The following AKAP9 variants were observed in gnomAD, a reference collection of about 807,000 sequenced individuals.
AKAP9 encodes the protein A-kinase anchoring protein 9, also known as A-kinase anchor protein 9.
A neutral mutation model predicts 488.5 loss-of-function variants in AKAP9; 311 were observed. The ratio of observed to expected loss-of-function variants is 0.64; its 90% CI spans 0.58 to 0.70. The LOEUF (loss-of-function observed/expected upper bound fraction) is 0.70. Among genes scored for constraint, AKAP9 ranks in the 30% least tolerant of loss-of-function variants. The probability of loss-of-function intolerance (pLI) is 0.00; values close to 1 mark genes in which losing one functional copy is unlikely to be tolerated. For synonymous variants in AKAP9, 1,462 were observed against 1,483.5 expected, an observed-to-expected ratio of 0.99 and a Z score of 0.33; for missense variants, 4,215 against 4,374.5, an observed-to-expected ratio of 0.96 and a Z score of 1.03.
intron 2 of AKAP9, among the ~76,000 whole-genome samples, chr7:91,979,927 A>G (rs1203650294): frequency 6.6e-6 from 1 of 152,222 alleles, no homozygotes; most frequent in African/African-American, 2.4e-5. Context: ...ACCATGGGTA[A>G]CTGAAATTAT....
At chr7:92,057,156 C>T (rs914232154) in intron 22 of AKAP9, among the ~76,000 whole-genome samples, 3 of 151,980 alleles carry the variant, frequency 2.0e-5, no homozygotes, top group African/African-American at 7.2e-5. Context: ...AGCATGTACT[C>T]TGTAAACAAT....
chr7:92,109,667 G>A (rs1035659176), intron 49 of AKAP9, among the ~76,000 whole-genome samples: 1 of 152,164 alleles, frequency 6.6e-6, no homozygotes, highest in Non-Finnish European at 1.5e-5. Flanking sequence ...GCTGGGCGCG[G>A]TGGCTCATGC....
At chr7:91,986,928 GA>G (rs1386721127) in intron 3 of AKAP9, among the ~76,000 whole-genome samples, 1 of 151,252 alleles carries the variant, frequency 6.6e-6, no homozygotes, top group African/African-American at 2.4e-5. Flanking sequence ...TTATATACAT[GA>G]ATAATTATAT....
chr7:92,046,162 G>A (rs1453569897), intron 21 of AKAP9, among the ~76,000 whole-genome samples: 1 of 151,960 alleles, frequency 6.6e-6, no homozygotes, highest in Non-Finnish European at 1.5e-5. Flanking sequence ...CCATCACATT[G>A]CTGAACTCCA....
chr7:92,082,372 T>C (rs1813732120), intron 31 of AKAP9, 150 bp from the exon 32 acceptor site: 4 of 744,624 alleles, frequency 5.4e-6, no homozygotes, highest in Non-Finnish European at 8.7e-6. Flanking sequence ...AAAAAGCTTC[T>C]CTGTTTTTGG....
intron 45 of AKAP9, among the ~76,000 whole-genome samples, chr7:92,101,910 AC>A (rs1170769387): frequency 6.6e-6 from 1 of 152,138 alleles, no homozygotes; most frequent in East Asian, 1.9e-4. Context: ...TAATCCCAGC[AC>A]TTCGGGAGGC....
chr7:92,098,026 A>G, intron 42 of AKAP9, 83 bp from the exon 43 acceptor site: 1 of 949,072 alleles, frequency 1.1e-6, no homozygotes, highest in Non-Finnish European at 1.7e-6. Context: ...GTGAAGTAGA[A>G]CGTCGCCTGC....
At chr7:91,983,255 A>G (rs11977241) in intron 3 of AKAP9, among the ~76,000 whole-genome samples, 2,179 of 151,988 alleles carry the variant, frequency 0.014, 44 homozygotes, top group African/African-American at 0.05. Context: ...CCTGTGTCCA[A>G]GTGTTCTCAC....
intron 37 of AKAP9, among the ~76,000 whole-genome samples, chr7:92,087,719 G>A (rs1454413370): frequency 6.6e-6 from 1 of 151,962 alleles, no homozygotes; most frequent in African/African-American, 2.4e-5. Flanking sequence ...GTAAGGAATT[G>A]TTCAAAGAAT....
chr7:91,953,749 T>C (rs975700809), intron 1 of AKAP9, among the ~76,000 whole-genome samples: 1 of 152,108 alleles, frequency 6.6e-6, no homozygotes, highest in African/African-American at 2.4e-5. Flanking sequence ...ATCCTAACAG[T>C]AGTGGAAAAC....
chr7:91,984,948 A>G (rs1796879126), intron 3 of AKAP9, among the ~76,000 whole-genome samples: 3 of 152,186 alleles, frequency 2.0e-5, no homozygotes, highest in Middle Eastern at 3.2e-3. Flanking sequence ...TTAATGGTGT[A>G]TAGGAATGCT....
chr7:91,984,169 C>G (rs1359810254), intron 3 of AKAP9, among the ~76,000 whole-genome samples: 2 of 152,154 alleles, frequency 1.3e-5, no homozygotes, highest in Non-Finnish European at 2.9e-5. Flanking sequence ...GCTTTTGTTG[C>G]TATTGCTTTT....
At chr7:91,987,495 A>G (rs150722610) in intron 3 of AKAP9, among the ~76,000 whole-genome samples, 10 of 152,330 alleles carry the variant, frequency 6.6e-5, no homozygotes, top group East Asian at 1.9e-4. Flanking sequence ...TTATAACCCT[A>G]GTAATATTTT....
intron 1 of AKAP9, among the ~76,000 whole-genome samples, chr7:91,958,757 T>C (rs1309940666): frequency 6.6e-6 from 1 of 152,236 alleles, no homozygotes; most frequent in Non-Finnish European, 1.5e-5. Context: ...TTATTCTTTT[T>C]CTTCTATGCA....
At position 92,071,025 on chromosome 7, in the gene AKAP9, T is replaced by G; in HGVS notation, c.6612+16T>G. On this transcript the variant is annotated intron_variant, in intron 28 of 49. Transcript: ENST00000356239. ...GGAAAAAGAGGTAAGGAGTTTATTT[T>G]TAAATGACACAGCGTGGTTTGAATT... 1 of 1,554,400 alleles carries G rather than the reference T, an allele frequency of 6.4e-7. No individual in the cohort carries two copies. The highest frequency in any genetic ancestry group is 1.4e-5 in the African/African-American group (1 of 73,818).
At chr7:91,996,458 C>G (rs148529390) in intron 7 of AKAP9, among the ~76,000 whole-genome samples, 80 of 152,238 alleles carry the variant, frequency 5.3e-4, no homozygotes, top group African/African-American at 1.9e-3. Context: ...GATTCAGATC[C>G]TGTCAGTTGC....
At chr7:91,984,929 G>GT (rs1337481542) in intron 3 of AKAP9, among the ~76,000 whole-genome samples, 1 of 152,140 alleles carries the variant, frequency 6.6e-6, no homozygotes, top group East Asian at 1.9e-4. Flanking sequence ...TTGGCTCTCT[G>GT]TTTGTCTGTT....
At chr7:92,034,495 TA>T (rs1804846334) in intron 16 of AKAP9, among the ~76,000 whole-genome samples, 4 of 90,280 alleles carry the variant, frequency 4.4e-5, no homozygotes, top group African/African-American at 9.5e-5. Context: ...TATATATATA[TA>T]TATTTTTTTT....
intron 31 of AKAP9, 29 bp from the exon 32 acceptor site, chr7:92,082,493 G>A: frequency 6.2e-7 from 1 of 1,608,730 alleles, no homozygotes; most frequent in South Asian, 1.1e-5. Context: ...TTTAAATTAT[G>A]TGTTTCTTGT....
Sources: allele counts gnomAD v4.1 joint callset (sites outside exome capture counted in the v4.1 genomes callset), GRCh38; gene constraint gnomAD v4.1.1; transcripts MANE v1.5; gene names NCBI Gene and HGNC (gene_info 2026-07-23, HGNC 2026-07-21).